Variants in GHR observed in about 807,000 individuals in gnomAD.
The protein encoded by GHR is growth hormone receptor, also known as GH receptor.
In GHR, 35 loss-of-function variants were observed where a neutral mutation model predicts 67.1. The ratio of observed to expected loss-of-function variants is 0.52; its 90% CI spans 0.40 to 0.69. The LOEUF (loss-of-function observed/expected upper bound fraction) is 0.69. Among genes scored for constraint, GHR ranks in the 30% least tolerant of loss-of-function variants. The pLI is 0.00. For missense variants in GHR, 792 were observed against 764.6 expected (o/e 1.04, Z -0.42); for synonymous variants, 272 against 269.1 (o/e 1.01, Z -0.10).
intron 2 of GHR, among the ~76,000 whole-genome samples, chr5:42,606,696 CA>C (rs1296952973): frequency 3.9e-5 from 6 of 152,122 alleles, no homozygotes; most frequent in Non-Finnish European, 8.8e-5. Context: ...TTTCTGGGGC[CA>C]AACAAACTGC....
chr5:42,610,732 T>A (rs1580052261), intron 2 of GHR, among the ~76,000 whole-genome samples: 1 of 147,504 alleles, frequency 6.8e-6, no homozygotes, highest in Non-Finnish European at 1.5e-5. Context: ...AGGAAAGAGG[T>A]AGGGAGGGAG....
At position 42,718,806 on chromosome 5, in the gene GHR, C is replaced by T. The variant is rs778723279; in HGVS notation, c.1299C>T (p.Asn433=). ...LLCLDQKNQN[N]SPYHDACPAT... ...GCCTTGACCAGAAGAATCAAAATAA[C>T]TCACCTTATCATGATGCTTGCCCTG... is the stretch of plus-strand genomic sequence containing the variant. Residue 433 remains asparagine, a synonymous_variant, in exon 10 of 10, where the codon AAC becomes AAT. Transcript: ENST00000230882. The T allele has an allele frequency of 1.2e-6, 2 of 1,614,124 alleles. No homozygotes were observed. The highest frequency in any genetic ancestry group is 2.2e-5 in the South Asian group (2 of 91,074).
intron 3 of GHR, among the ~76,000 whole-genome samples, chr5:42,678,988 T>A (rs889213807): frequency 1.4e-5 from 2 of 146,942 alleles, no homozygotes; most frequent in Admixed American, 6.9e-5. Flanking sequence ...ATTAATAATA[T>A]AATTAATATG....
intron 1 of GHR, among the ~76,000 whole-genome samples, chr5:42,524,261 T>G (rs912123300): frequency 2.0e-4 from 30 of 152,180 alleles, no homozygotes; most frequent in Admixed American, 2.0e-3. Context: ...GATAACGATA[T>G]GGACAATAAA....
chr5:42,553,115 G>GC (rs1749122670), intron 1 of GHR, among the ~76,000 whole-genome samples: 1 of 152,068 alleles, frequency 6.6e-6, no homozygotes, highest in Non-Finnish European at 1.5e-5. Context: ...GTTTTCTATT[G>GC]CTTCCATAAC....
At chr5:42,530,037 A>G (rs868866820) in intron 1 of GHR, among the ~76,000 whole-genome samples, 6 of 56,358 alleles carry the variant, frequency 1.1e-4, no homozygotes, top group Admixed American at 4.0e-4. Flanking sequence ...TTGCAAATCT[A>G]TATTTTTTTC....
At chr5:42,620,102 G>A (rs1753366773) in intron 2 of GHR, among the ~76,000 whole-genome samples, 1 of 151,944 alleles carries the variant, frequency 6.6e-6, no homozygotes, top group African/African-American at 2.4e-5. Context: ...CACTAGCAAG[G>A]GACTAGATGT....
intron 3 of GHR, among the ~76,000 whole-genome samples, chr5:42,645,231 T>G (rs1754671538): frequency 6.6e-6 from 1 of 152,204 alleles, no homozygotes; most frequent in Non-Finnish European, 1.5e-5. Context: ...ATTCTTGAAA[T>G]CAATCAACGT....
intron 2 of GHR, among the ~76,000 whole-genome samples, chr5:42,600,022 A>C (rs1206001362): frequency 6.6e-6 from 1 of 152,184 alleles, no homozygotes; most frequent in Non-Finnish European, 1.5e-5. Context: ...GTACCAGAAC[A>C]GAGTCCTGGA....
intron 2 of GHR, among the ~76,000 whole-genome samples, chr5:42,614,757 A>G (rs1753061455): frequency 6.6e-6 from 1 of 151,766 alleles, no homozygotes; most frequent in Non-Finnish European, 1.5e-5. Context: ...TTGATGTACT[A>G]ATTTGCATTT....
At chr5:42,452,979 A>T (rs1744114261) in intron 1 of GHR, among the ~76,000 whole-genome samples, 1 of 151,694 alleles carries the variant, frequency 6.6e-6, no homozygotes, top group Non-Finnish European at 1.5e-5. Flanking sequence ...GTTTTGTGAT[A>T]TTACCAGAAT....
chr5:42,699,862 C>G lies in GHR; in HGVS notation c.478C>G (p.Leu160Val). 1 of 1,611,396 alleles carries G rather than the reference C, an allele frequency of 6.2e-7. No individual in the cohort carries two copies. Among genetic ancestry groups the G allele is most frequent in the South Asian group, 1.1e-5 (1 of 91,024 alleles). Residue 160 changes from leucine (L) to valine (V), a missense_variant, in exon 6 of 10, where the codon CTG becomes GTG. Leu to Val is a conservative substitution (Grantham distance 32). Coordinates refer to ENST00000230882, the MANE Select transcript of GHR (RefSeq NM_000163.5). Reference sequence around the variant, plus strand: ...ACCCATTGCCCTCAACTGGACTTTACTGAACGTCAGTTTAACTGGGATTCA... The same window carrying G: ...ACCCATTGCCCTCAACTGGACTTTAGTGAACGTCAGTTTAACTGGGATTCA... ...DPPIALNWTL[L>V]NVSLTGIHAD...
At chr5:42,433,717 T>G (rs1509460) in intron 1 of GHR, among the ~76,000 whole-genome samples, 72,080 of 148,716 alleles carry the variant, frequency 0.48, 18,754 homozygotes, top group African/African-American at 0.65. Flanking sequence ...CCTGAGCCAG[T>G]ACTTAAGATA....
At chr5:42,481,688 T>G (rs761361448) in intron 1 of GHR, among the ~76,000 whole-genome samples, 1 of 152,262 alleles carries the variant, frequency 6.6e-6, no homozygotes, top group African/African-American at 2.4e-5. Context: ...CTACTGAGGC[T>G]TCTGCATTTG....
intron 3 of GHR, among the ~76,000 whole-genome samples, chr5:42,636,018 G>T (rs1472083885): frequency 6.6e-6 from 1 of 151,874 alleles, no homozygotes; most frequent in Non-Finnish European, 1.5e-5. Flanking sequence ...AGACCATCAT[G>T]GCTAACACAG....
intron 3 of GHR, chr5:42,659,267 A>T (rs1755431802): frequency 6.6e-6 from 1 of 152,178 alleles, no homozygotes; most frequent in Non-Finnish European, 1.5e-5. Context: ...TGGGATTCAA[A>T]CTGAAATCCA....
intron 3 of GHR, among the ~76,000 whole-genome samples, chr5:42,642,871 GT>G (rs1754547856): frequency 6.6e-6 from 1 of 152,116 alleles, no homozygotes; most frequent in African/African-American, 2.4e-5. Context: ...AATCTTTGGT[GT>G]TCTTTGATTT....
intron 2 of GHR, among the ~76,000 whole-genome samples, chr5:42,579,159 G>T (rs34692040): frequency 1.5e-4 from 13 of 85,918 alleles, no homozygotes; most frequent in Non-Finnish European, 1.9e-4. Context: ...GATATAGATA[G>T]ATAGATAGAT....
At chr5:42,711,625 G>A (rs1175068953) in intron 7 of GHR, among the ~76,000 whole-genome samples, 1 of 152,010 alleles carries the variant, frequency 6.6e-6, no homozygotes, top group Non-Finnish European at 1.5e-5. Context: ...GGAATTTGGT[G>A]GCAATCTCCG....
Sources: allele counts gnomAD v4.1 joint callset (sites outside exome capture counted in the v4.1 genomes callset), GRCh38; gene constraint gnomAD v4.1.1; transcripts MANE v1.5; gene names NCBI Gene and HGNC (gene_info 2026-07-23, HGNC 2026-07-21).